RORA: variants seen among roughly 807,000 people sequenced by gnomAD.
The protein encoded by RORA is nuclear receptor ROR-alpha.
Under a neutral mutation model 69.5 loss-of-function variants are expected in RORA, and 7 were observed. That is an observed-to-expected ratio of 0.10 (90% CI 0.06 to 0.19). The LOEUF (loss-of-function observed/expected upper bound fraction) is 0.19, where lower values mean the gene tolerates loss of function less well. Ranked by LOEUF, RORA falls within the 10% of genes least tolerant of loss-of-function variation. The pLI is 1.00. For missense variants in RORA, 457 were observed against 663.0 expected, an observed-to-expected ratio of 0.69 and a Z score of 3.41; for synonymous variants, 261 against 240.8, an observed-to-expected ratio of 1.08 and a Z score of -0.78.
chr15:60,866,285 T>A (rs1383570965), intron 1 of RORA, among the ~76,000 whole-genome samples: 1 of 152,212 alleles, frequency 6.6e-6, no homozygotes, highest in Admixed American at 6.5e-5. Flanking sequence ...AGCTCCCACA[T>A]ATTAAATATT....
chr15:61,012,348 C>G (rs1314272307), intron 1 of RORA, among the ~76,000 whole-genome samples: 1 of 152,222 alleles, frequency 6.6e-6, no homozygotes, highest in Non-Finnish European at 1.5e-5. Flanking sequence ...TTGCTGACAA[C>G]CTTCCTCCCC....
chr15:61,175,193 G>C (rs943519805), intron 1 of RORA, among the ~76,000 whole-genome samples: 3 of 152,130 alleles, frequency 2.0e-5, no homozygotes, highest in Admixed American at 2.0e-4. Context: ...CAAAAGTCCT[G>C]GTGGGCAAGC....
intron 1 of RORA, among the ~76,000 whole-genome samples, chr15:60,684,853 T>C (rs147757830): frequency 0.011 from 1,614 of 152,276 alleles, 32 homozygotes; most frequent in African/African-American, 0.036. Context: ...ACAAGATTTA[T>C]TCTCCCTCCC....
At chr15:60,786,949 T>C (rs1302933088) in intron 1 of RORA, among the ~76,000 whole-genome samples, 1 of 152,206 alleles carries the variant, frequency 6.6e-6, no homozygotes, top group Non-Finnish European at 1.5e-5. Context: ...ATGGCTTTTC[T>C]CAGGGTCAGT....
chr15:60,691,112 C>T (rs927762554), intron 1 of RORA, among the ~76,000 whole-genome samples: 6 of 152,152 alleles, frequency 3.9e-5, no homozygotes, highest in African/African-American at 1.2e-4. Context: ...GACTCACATC[C>T]TTTCTGTTTG....
intron 1 of RORA, among the ~76,000 whole-genome samples, chr15:60,703,158 C>G (rs2071009476): frequency 6.6e-6 from 1 of 151,492 alleles, no homozygotes; most frequent in Non-Finnish European, 1.5e-5. Context: ...CACACACACA[C>G]ACACAATCTC....
At chr15:61,153,301 C>A (rs776020082) in intron 1 of RORA, among the ~76,000 whole-genome samples, 2 of 152,138 alleles carry the variant, frequency 1.3e-5, no homozygotes. Flanking sequence ...AAGGCTACAC[C>A]ATGTATACCT....
chr15:60,774,860 A>AATAGAATC (rs2072138615), intron 1 of RORA, among the ~76,000 whole-genome samples: 1 of 152,228 alleles, frequency 6.6e-6, no homozygotes. Flanking sequence ...CTTAGATTCT[A>AATAGAATC]TTACAAAACA....
chr15:60,870,417 C>A (rs1316422937), intron 1 of RORA, among the ~76,000 whole-genome samples: 1 of 152,102 alleles, frequency 6.6e-6, no homozygotes. Context: ...AGGTATCTAC[C>A]AGGTTGTACG....
chr15:61,035,887 C>G (rs576933819), intron 1 of RORA, among the ~76,000 whole-genome samples: 2 of 152,132 alleles, frequency 1.3e-5, no homozygotes, highest in East Asian at 3.9e-4. Flanking sequence ...TACAAATGAT[C>G]TAATGGTGGG....
At chr15:60,575,016 C>A (rs2071399946) in intron 2 of RORA, among the ~76,000 whole-genome samples, 1 of 151,862 alleles carries the variant, frequency 6.6e-6, no homozygotes, top group Non-Finnish European at 1.5e-5. Flanking sequence ...TTGTACTACT[C>A]GATTTTTTAT....
chr15:61,104,839 G>C (rs1225837990), intron 1 of RORA, among the ~76,000 whole-genome samples: 1 of 152,128 alleles, frequency 6.6e-6, no homozygotes, highest in Non-Finnish European at 1.5e-5. Context: ...CTGTGGGAGG[G>C]ACCCATTGGG....
intron 1 of RORA, among the ~76,000 whole-genome samples, chr15:60,737,583 T>G (rs917349942): frequency 7.2e-5 from 11 of 152,244 alleles, no homozygotes; most frequent in Admixed American, 5.2e-4. Flanking sequence ...GTGATTCTGA[T>G]GCTCACTCGT....
At chr15:60,941,776 C>G (rs778143680) in intron 1 of RORA, among the ~76,000 whole-genome samples, 1 of 152,230 alleles carries the variant, frequency 6.6e-6, no homozygotes, top group Non-Finnish European at 1.5e-5. Flanking sequence ...CCTCTCCTCA[C>G]TGATCTATCT....
chr15:60,637,640 A>G (rs1170705297), intron 2 of RORA, among the ~76,000 whole-genome samples: 1 of 152,158 alleles, frequency 6.6e-6, no homozygotes, highest in African/African-American at 2.4e-5. Flanking sequence ...GCTAAAAATC[A>G]TCATGCACAA....
intron 1 of RORA, among the ~76,000 whole-genome samples, chr15:60,954,631 C>T (rs570073088): frequency 2.0e-5 from 3 of 151,380 alleles, no homozygotes; most frequent in South Asian, 4.2e-4. Context: ...GTGAAAGAAG[C>T]CTGTTGCCAA....
chr15:60,644,159 G>A (rs1186284787), intron 2 of RORA, among the ~76,000 whole-genome samples: 1 of 152,162 alleles, frequency 6.6e-6, no homozygotes, highest in African/African-American at 2.4e-5. Flanking sequence ...TCTTATACAG[G>A]CAGCATGAGG....
chr15:60,620,646 A>T (rs1261695144), intron 2 of RORA, among the ~76,000 whole-genome samples: 1 of 152,234 alleles, frequency 6.6e-6, no homozygotes, highest in African/African-American at 2.4e-5. Flanking sequence ...GGCTGGTGAC[A>T]GTATCTTCCA....
chr15:60,997,394 A>T, intron 1 of RORA, among the ~76,000 whole-genome samples: 1 of 152,272 alleles, frequency 6.6e-6, no homozygotes, highest in African/African-American at 2.4e-5. Context: ...GAATCTTCCG[A>T]GAGTCAAGTC....
Sources: allele counts gnomAD v4.1 joint callset (sites outside exome capture counted in the v4.1 genomes callset), GRCh38; gene constraint gnomAD v4.1.1; transcripts MANE v1.5; gene names NCBI Gene and HGNC (gene_info 2026-07-23, HGNC 2026-07-21).